The following SARS2 variants were observed in gnomAD, a reference collection of about 807,000 sequenced individuals.
SARS2 encodes the protein serine--tRNA ligase, mitochondrial.
A neutral mutation model predicts 66.8 loss-of-function variants in SARS2; 52 were observed. That is an observed-to-expected ratio of 0.78 (90% CI 0.62 to 0.98). The LOEUF (loss-of-function observed/expected upper bound fraction) is 0.98. Among genes scored for constraint, SARS2 ranks in the 50% least tolerant of loss-of-function variants. The probability of loss-of-function intolerance (pLI) is 0.00; values close to 1 mark genes in which losing one functional copy is unlikely to be tolerated. For missense variants in SARS2, 673 were observed against 706.3 expected (o/e 0.95, Z 0.53); for synonymous variants, 306 against 281.4 (o/e 1.09, Z -0.87).
intron 5 of SARS2, among the ~76,000 whole-genome samples, chr19:38,920,989 A>C (rs1974518508): frequency 6.6e-6 from 1 of 150,694 alleles, no homozygotes; most frequent in African/African-American, 2.5e-5. Context: ...AAACACAGAC[A>C]CACACACACA....
At chr19:38,928,553 A>G (rs552500223) in intron 1 of SARS2, among the ~76,000 whole-genome samples, 14 of 152,202 alleles carry the variant, frequency 9.2e-5, no homozygotes, top group Admixed American at 2.0e-4. Context: ...GGGTGTGTGT[A>G]CTGGGTCAGG....
chr19:38,926,262 C>G lies in SARS2; in HGVS notation c.306G>C (p.Gln102His). 1.2e-6 allele frequency: 2 copies of G among 1,605,966 alleles called. No individual in the cohort carries two copies. The highest frequency in any genetic ancestry group is 1.6e-4 in the Middle Eastern group (1 of 6,062). ...CCTTCTCTTCCTCCAGGCTCCGGAT[C>G]TGCTCCTGCAGCTGCCTCAGCTCCT... ...TWQELRQLQE[Q>H]IRSLEEEKAA... The change falls in exon 2 of 16, where the codon CAG becomes CAC. Residue 102 changes from glutamine (Q) to histidine (H), a missense_variant. Transcript: ENST00000221431.
At chr19:38,926,381 C>T (rs934529357) in intron 1 of SARS2, 81 bp from the exon 2 acceptor site, 1 of 1,339,134 alleles carries the variant, frequency 7.5e-7, no homozygotes, top group South Asian at 1.2e-5. Flanking sequence ...CCACCTGGAC[C>T]TGCGGCGCAG....
intron 2 of SARS2, 52 bp from the exon 3 acceptor site, chr19:38,922,319 G>A (rs1409299093): frequency 1.3e-6 from 2 of 1,589,102 alleles, no homozygotes; most frequent in Non-Finnish European, 8.6e-7. Flanking sequence ...TCGAGGGTGG[G>A]GAAGAGAAAA....
intron 3 of SARS2, 128 bp from the exon 4 acceptor site, chr19:38,921,795 G>C: frequency 7.0e-7 from 1 of 1,423,486 alleles, no homozygotes; most frequent in South Asian, 1.3e-5. Flanking sequence ...CCAGGATCCT[G>C]AACGTCTTCG....
At chr19:38,920,561 A>G (rs1265433777) in intron 5 of SARS2, among the ~76,000 whole-genome samples, 1 of 152,010 alleles carries the variant, frequency 6.6e-6, no homozygotes, top group Non-Finnish European at 1.5e-5. Flanking sequence ...ACAGAGACAC[A>G]CACACACTCA....
chr19:38,915,998 G>A (rs759113128), intron 14 of SARS2, 39 bp downstream of exon 14: 31 of 1,612,128 alleles, frequency 1.9e-5, no homozygotes, highest in Non-Finnish European at 2.3e-5. Context: ...CAGAGGCTGC[G>A]GGCGAGGGCA....
chr19:38,918,636 T>G, intron 8 of SARS2, 106 bp from the exon 9 acceptor site: 1 of 1,382,114 alleles, frequency 7.2e-7, no homozygotes, highest in Non-Finnish European at 1.0e-6. Flanking sequence ...GGAGCTGCCC[T>G]GGCCTCCCTG....
intron 2 of SARS2, 129 bp from the exon 3 acceptor site, chr19:38,922,396 C>A: frequency 1.2e-6 from 1 of 843,964 alleles, no homozygotes; most frequent in East Asian, 2.5e-5. Context: ...TAGCTGGGTC[C>A]CTCTGCAACT....
At chr19:38,917,624 G>A (rs1974440061) in intron 12 of SARS2, 100 bp downstream of exon 12, 2 of 801,804 alleles carry the variant, frequency 2.5e-6, no homozygotes, top group Non-Finnish European at 4.3e-6. Context: ...GCAACGAGGG[G>A]GCTGGAGAGG....
chr19:38,918,705 G>A lies in SARS2; in HGVS notation c.807+61C>T, dbSNP rs990071014. ...CGGTCTCCTCAGGTTTCCCTGCCTC[G>A]GGCACCCACGGCAGGGCCTGACACC... On this transcript the variant is annotated intron_variant, in intron 8 of 15. Transcript: ENST00000221431. 8.4e-6 allele frequency: 13 copies of A among 1,539,490 alleles called. No homozygotes were observed. In the African/African-American group the frequency reaches 1.5e-4, roughly 18 times the overall value.
chr19:38,916,413 G>A (rs758667069), intron 12 of SARS2, 99 bp from the exon 13 acceptor site: 17 of 1,090,692 alleles, frequency 1.6e-5, no homozygotes, highest in Non-Finnish European at 2.3e-5. Flanking sequence ...CAAAAAGCAG[G>A]AAAAAGCCCA....
rs1483578960 is a variant in SARS2 at position 38,922,248 on chromosome 19, T to TC, written c.382dup (p.Glu128GlyfsTer33). The stretch of plus-strand genomic sequence containing the variant: ...AACTCTTCACAGTACCTGCTGCACT[T>TC]CACCACTGTCCTGGTTTGCCTGGTA... On this transcript the variant is annotated frameshift_variant, in exon 3 of 16. Coordinates refer to ENST00000221431, the MANE Select transcript of SARS2 (RefSeq NM_017827.4). LOFTEE classifies it high-confidence loss of function. 1.2e-6 allele frequency: 2 copies of TC among 1,613,964 alleles called. No individual in the cohort carries two copies. The highest frequency in any genetic ancestry group is 2.7e-5 in the African/African-American group (2 of 74,904).
rs953527751 is a variant in SARS2, at chr19:38,920,998, C to T, written c.589+394G>A. ...ACACACAAACACAGACACACACACA[C>T]AGATACAGACACACACAGATACACA... is the stretch of plus-strand genomic sequence containing the variant. On this transcript the variant is annotated intron_variant, in intron 5 of 15. Transcript: ENST00000221431. 4.1e-5 allele frequency among the ~76,000 whole-genome samples: 6 copies of T among 147,982 alleles called. No homozygotes were observed. In the East Asian group the frequency reaches 9.9e-4, roughly 24 times the overall value.
At chr19:38,919,078 G>A (rs1485769367) in intron 7 of SARS2, among the ~76,000 whole-genome samples, 1 of 151,908 alleles carries the variant, frequency 6.6e-6, no homozygotes, top group Non-Finnish European at 1.5e-5. Context: ...CATGGAGATC[G>A]TGCTACTGCA....
At chr19:38,916,664 G>T (rs1052979828) in intron 12 of SARS2, among the ~76,000 whole-genome samples, 12 of 133,824 alleles carry the variant, frequency 9.0e-5, no homozygotes, top group East Asian at 2.2e-4. Context: ...GGCACCCTCG[G>T]TTTTTTTTTT....
At chr19:38,919,365 A>C (rs1394275331) in intron 7 of SARS2, among the ~76,000 whole-genome samples, 2 of 152,300 alleles carry the variant, frequency 1.3e-5, no homozygotes, top group Non-Finnish European at 2.9e-5. Context: ...CCCTCTGAAA[A>C]TGTCTGAGTT....
intron 9 of SARS2, 93 bp downstream of exon 9, chr19:38,918,329 G>C: frequency 7.8e-7 from 1 of 1,274,354 alleles, no homozygotes; most frequent in East Asian, 2.4e-5. Flanking sequence ...TGAGCTGCTC[G>C]GGGCAGGTGA....
chr19:38,915,848 T>G lies in SARS2; in HGVS notation c.1406A>C (p.Gln469Pro). Residue 469 changes from glutamine to proline, a missense_variant, in exon 15 of 16, where the codon CAG (glutamine) becomes CCG (proline). By Grantham distance (76) the Gln-to-Pro change is moderately conservative. Transcript: ENST00000221431. The stretch of plus-strand genomic sequence containing the variant: ...GGCCCCTCAGCCCCTCACCTTCTGC[T>G]GGTTACTCTCCAGGAGCGCGATGAG... ...RLLIALLESN[Q>P]QKDGSVLVPP... The G allele has an allele frequency of 1.2e-6, 2 of 1,613,776 alleles. No homozygotes were observed. The highest frequency in any genetic ancestry group is 1.7e-6 in the Non-Finnish European group (2 of 1,179,984).
Sources: gnomAD v4.1 joint callset for allele counts (sites outside exome capture counted in the v4.1 genomes callset) on GRCh38, gnomAD v4.1.1 for gene constraint, MANE v1.5 for transcripts, NCBI Gene and HGNC (gene_info 2026-07-23, HGNC 2026-07-21) for gene names.